Variants in CNTN5 observed in about 807,000 individuals in gnomAD.
The protein encoded by CNTN5 is contactin 5.
Under a neutral mutation model 129.1 loss-of-function variants are expected in CNTN5, and 77 were observed. That is an observed-to-expected ratio of 0.60 (90% CI 0.50 to 0.72). The LOEUF (loss-of-function observed/expected upper bound fraction) is 0.72. Among genes scored for constraint, CNTN5 ranks in the 30% least tolerant of loss-of-function variants. The probability of loss-of-function intolerance (pLI) is 0.00; values close to 1 mark genes in which losing one functional copy is unlikely to be tolerated. For missense variants in CNTN5, 1,478 were observed against 1,328.8 expected (o/e 1.11, Z -1.75); for synonymous variants, 509 against 465.6 (o/e 1.09, Z -1.20).
chr11:99,908,531 G>T (rs1018786099), intron 6 of CNTN5, among the ~76,000 whole-genome samples: 1 of 151,940 alleles, frequency 6.6e-6, no homozygotes, highest in African/African-American at 2.4e-5. Flanking sequence ...AATGAACTTA[G>T]AAGTAAACAA....
chr11:99,677,129 C>T (rs932687246), intron 3 of CNTN5, among the ~76,000 whole-genome samples: 1 of 152,082 alleles, frequency 6.6e-6, no homozygotes, highest in Non-Finnish European at 1.5e-5. Flanking sequence ...TGTTACACAA[C>T]AATAATTGAT....
chr11:99,678,985 T>A (rs1401738830), intron 3 of CNTN5, among the ~76,000 whole-genome samples: 2 of 147,924 alleles, frequency 1.4e-5, no homozygotes, highest in African/African-American at 4.9e-5. Flanking sequence ...ATATATAAAA[T>A]TCCATAAATA....
At chr11:99,977,543 A>G (rs1006862501) in intron 8 of CNTN5, among the ~76,000 whole-genome samples, 1 of 152,218 alleles carries the variant, frequency 6.6e-6, no homozygotes, top group Non-Finnish European at 1.5e-5. Flanking sequence ...GAAACTTACA[A>G]TCATGGCAGA....
At chr11:99,313,882 C>CG (rs1283113547) in intron 1 of CNTN5, among the ~76,000 whole-genome samples, 1 of 151,944 alleles carries the variant, frequency 6.6e-6, no homozygotes, top group East Asian at 1.9e-4. Context: ...GTATCGTAGA[C>CG]TTTCTTGACC....
At chr11:99,228,665 T>C (rs1427642203) in intron 1 of CNTN5, among the ~76,000 whole-genome samples, 1 of 152,092 alleles carries the variant, frequency 6.6e-6, no homozygotes, top group Non-Finnish European at 1.5e-5. Context: ...CAGTCTTTAC[T>C]AATTTTAAAT....
intron 7 of CNTN5, among the ~76,000 whole-genome samples, chr11:99,949,193 T>A (rs928179840): frequency 3.3e-5 from 5 of 152,180 alleles, no homozygotes; most frequent in Non-Finnish European, 7.3e-5. Flanking sequence ...ACTGACTCTA[T>A]TTCTATAAAC....
intron 1 of CNTN5, among the ~76,000 whole-genome samples, chr11:99,174,281 GAGGACTACGCCC>G (rs1429216716): frequency 2.0e-5 from 3 of 152,300 alleles, no homozygotes; most frequent in Non-Finnish European, 4.4e-5. Flanking sequence ...TTACAGGCAT[GAGGACTACGCCC>G]AGCGAGAATG....
intron 8 of CNTN5, among the ~76,000 whole-genome samples, chr11:99,961,760 G>A (rs577512657): frequency 5.3e-5 from 8 of 152,088 alleles, no homozygotes; most frequent in Non-Finnish European, 1.0e-4. Context: ...GTCAACAGTG[G>A]CACTCTAGTG....
At chr11:99,967,454 G>C (rs1951125042) in intron 8 of CNTN5, among the ~76,000 whole-genome samples, 1 of 152,102 alleles carries the variant, frequency 6.6e-6, no homozygotes, top group South Asian at 2.1e-4. Context: ...ATATGAGGTA[G>C]GATATTCCCA....
intron 4 of CNTN5, among the ~76,000 whole-genome samples, chr11:99,820,682 T>C (rs902715019): frequency 3.9e-5 from 6 of 152,260 alleles, no homozygotes; most frequent in Non-Finnish European, 8.8e-5. Flanking sequence ...GTAGATATTG[T>C]TACTGCCTTC....
intron 2 of CNTN5, among the ~76,000 whole-genome samples, chr11:99,329,629 A>G (rs1251611591): frequency 1.3e-5 from 2 of 152,164 alleles, no homozygotes; most frequent in African/African-American, 4.8e-5. Flanking sequence ...TCCCAGACAG[A>G]CAAATTCTTA....
intron 2 of CNTN5, among the ~76,000 whole-genome samples, chr11:99,507,747 T>C (rs745437983): frequency 1.1e-4 from 16 of 152,226 alleles, no homozygotes; most frequent in Non-Finnish European, 1.9e-4. Flanking sequence ...TCACGTGCCA[T>C]ATTTTTTCAT....
chr11:100,102,783 T>C (rs1735546720), intron 13 of CNTN5, among the ~76,000 whole-genome samples: 1 of 152,196 alleles, frequency 6.6e-6, no homozygotes. Flanking sequence ...GTGTTAATAA[T>C]GCTTGATCAT....
rs1447319810 is a variant in CNTN5 at position 99,177,876 on chromosome 11, A to G, written c.-209-147470A>G. Among the ~76,000 whole-genome samples, 3 of 152,172 alleles carry G rather than the reference A, an allele frequency of 2.0e-5. No homozygotes were observed. In the East Asian group the frequency reaches 5.8e-4, roughly 29 times the overall value. On this transcript the variant is annotated intron_variant, in intron 1 of 24. Coordinates refer to ENST00000524871, the MANE Select transcript of CNTN5 (RefSeq NM_014361.4). ...ATACATGTACATGAAACAAAAGCAC[A>G]AAGTCAAAGAAATTCTATAGAGTTC... is the stretch of plus-strand genomic sequence containing the variant.
intron 2 of CNTN5, among the ~76,000 whole-genome samples, chr11:99,430,598 T>C (rs747371032): frequency 7.2e-5 from 11 of 151,784 alleles, no homozygotes; most frequent in Non-Finnish European, 1.5e-4. Flanking sequence ...TATATGTATA[T>C]ACAGACACAC....
At chr11:99,807,572 G>A (rs1206271190) in intron 3 of CNTN5, among the ~76,000 whole-genome samples, 1 of 152,128 alleles carries the variant, frequency 6.6e-6, no homozygotes, top group African/African-American at 2.4e-5. Context: ...CAGGAGTGCA[G>A]TGACCTGATC....
At chr11:99,427,319 A>AG (rs1352703854) in intron 2 of CNTN5, among the ~76,000 whole-genome samples, 1 of 152,318 alleles carries the variant, frequency 6.6e-6, no homozygotes, top group Admixed American at 6.5e-5. Context: ...TTTTAGCATT[A>AG]GGCCACAACA....
At chr11:100,279,871 G>A (rs1426192916) in intron 18 of CNTN5, among the ~76,000 whole-genome samples, 1 of 143,576 alleles carries the variant, frequency 7.0e-6, no homozygotes, top group Admixed American at 7.0e-5. Flanking sequence ...AGTTCCTTAG[G>A]ATGCCTCATT....
intron 9 of CNTN5, among the ~76,000 whole-genome samples, chr11:100,043,547 T>C (rs748082387): frequency 2.6e-5 from 4 of 152,204 alleles, no homozygotes; most frequent in Non-Finnish European, 5.9e-5. Context: ...TTCCATAAAC[T>C]TGCAGTTGCT....
Sources: gnomAD v4.1 joint callset for allele counts (sites outside exome capture counted in the v4.1 genomes callset) on GRCh38, gnomAD v4.1.1 for gene constraint, MANE v1.5 for transcripts, NCBI Gene and HGNC (gene_info 2026-07-23, HGNC 2026-07-21) for gene names.